Variants in DGKB observed in about 807,000 individuals in gnomAD.
The protein encoded by DGKB is 90 kDa diacylglycerol kinase.
A neutral mutation model predicts 114.3 loss-of-function variants in DGKB; 67 were observed. The ratio of observed to expected loss-of-function variants is 0.59; its 90% CI spans 0.48 to 0.72. The LOEUF (loss-of-function observed/expected upper bound fraction) is 0.72. DGKB is among the 30% of genes least tolerant of loss of function. DGKB has a pLI of 0.00. For missense variants in DGKB, 907 were observed against 975.2 expected (o/e 0.93, Z 0.93); for synonymous variants, 398 against 323.1 (o/e 1.23, Z -2.49).
chr7:14,181,009 C>T (rs967519221), intron 23 of DGKB, among the ~76,000 whole-genome samples: 1 of 152,018 alleles, frequency 6.6e-6, no homozygotes, highest in Non-Finnish European at 1.5e-5. Context: ...GCCCCTAGCC[C>T]TTTTTGTATG....
intron 25 of DGKB, among the ~76,000 whole-genome samples, chr7:14,172,091 G>T (rs1230346135): frequency 6.6e-6 from 1 of 152,202 alleles, no homozygotes; most frequent in African/African-American, 2.4e-5. Context: ...AGGAGGGACA[G>T]CAAGGAATGA....
chr7:14,702,021 C>G (rs1261179443), intron 6 of DGKB, among the ~76,000 whole-genome samples: 1 of 152,028 alleles, frequency 6.6e-6, no homozygotes, highest in Non-Finnish European at 1.5e-5. Context: ...AATGTCAACT[C>G]AAAACTAAAA....
intron 2 of DGKB, among the ~76,000 whole-genome samples, chr7:14,780,166 C>T (rs1838850937): frequency 6.6e-6 from 1 of 152,132 alleles, no homozygotes; most frequent in Non-Finnish European, 1.5e-5. Context: ...TGAGCGGGAC[C>T]TAGACCCAGC....
chr7:14,672,872 G>A (rs935715071), intron 13 of DGKB, 57 bp downstream of exon 13: 44 of 1,028,930 alleles, frequency 4.3e-5, no homozygotes, highest in African/African-American at 4.2e-4. Flanking sequence ...AATGGTATAC[G>A]ATACTGATAA....
intron 21 of DGKB, among the ~76,000 whole-genome samples, chr7:14,398,999 A>G (rs1822679245): frequency 6.6e-6 from 1 of 151,948 alleles, no homozygotes; most frequent in Non-Finnish European, 1.5e-5. Context: ...CAACCCGCAG[A>G]CGTGAAGAGA....
chr7:14,931,242 T>G (rs1227945462), intron 1 of DGKB, among the ~76,000 whole-genome samples: 3 of 151,712 alleles, frequency 2.0e-5, no homozygotes, highest in African/African-American at 7.3e-5. Flanking sequence ...CTCCTGAGTA[T>G]CTGGGATTAC....
intron 18 of DGKB, among the ~76,000 whole-genome samples, chr7:14,581,265 GAT>G (rs1799894563): frequency 6.6e-6 from 1 of 152,094 alleles, no homozygotes; most frequent in African/African-American, 2.4e-5. Context: ...AATCCTCAGG[GAT>G]ATTATTATAT....
intron 17 of DGKB, among the ~76,000 whole-genome samples, chr7:14,588,484 T>C (rs1801144702): frequency 6.6e-6 from 1 of 152,114 alleles, no homozygotes; most frequent in African/African-American, 2.4e-5. Flanking sequence ...ACTTTTGACA[T>C]AGAAATTCTT....
intron 23 of DGKB, among the ~76,000 whole-genome samples, chr7:14,318,601 C>G (rs1018541755): frequency 1.4e-4 from 21 of 152,074 alleles, no homozygotes; most frequent in African/African-American, 5.1e-4. Flanking sequence ...CATCTCACAC[C>G]AGTTAGAATG....
chr7:14,254,865 T>C (rs953102658), intron 23 of DGKB, among the ~76,000 whole-genome samples: 3 of 152,192 alleles, frequency 2.0e-5, no homozygotes, highest in Non-Finnish European at 4.4e-5. Context: ...CCATAATACC[T>C]TGTAAGGAAT....
At chr7:14,457,422 T>A (rs137967356) in intron 21 of DGKB, among the ~76,000 whole-genome samples, 1 of 152,272 alleles carries the variant, frequency 6.6e-6, no homozygotes, top group East Asian at 1.9e-4. Flanking sequence ...TTAAAGTAAA[T>A]ATAGTATTGC....
At chr7:14,227,971 T>A (rs1791087973) in intron 23 of DGKB, among the ~76,000 whole-genome samples, 1 of 152,028 alleles carries the variant, frequency 6.6e-6, no homozygotes, top group Non-Finnish European at 1.5e-5. Context: ...GACAAGAATA[T>A]CAATTAAGAT....
intron 25 of DGKB, among the ~76,000 whole-genome samples, chr7:14,149,626 T>C (rs538211405): frequency 6.6e-6 from 1 of 152,242 alleles, no homozygotes; most frequent in African/African-American, 2.4e-5. Flanking sequence ...CCATTATAGT[T>C]TCCAGAGTCC....
intron 1 of DGKB, among the ~76,000 whole-genome samples, chr7:14,922,636 A>T (rs962083865): frequency 1.3e-5 from 2 of 152,084 alleles, no homozygotes; most frequent in Non-Finnish European, 2.9e-5. Flanking sequence ...GTAGCCAAGA[A>T]CATCCTAAGT....
At chr7:14,784,666 C>T (rs1052482466) in intron 2 of DGKB, among the ~76,000 whole-genome samples, 2 of 152,110 alleles carry the variant, frequency 1.3e-5, no homozygotes, top group African/African-American at 2.4e-5. Context: ...TGTGAGCTGC[C>T]GCACCCAGTT....
At chr7:14,580,511 T>C (rs1330369305) in intron 19 of DGKB, among the ~76,000 whole-genome samples, 1 of 152,198 alleles carries the variant, frequency 6.6e-6, no homozygotes, top group Non-Finnish European at 1.5e-5. Flanking sequence ...TTTGTGATTT[T>C]ACCTCCCAAC....
intron 2 of DGKB, among the ~76,000 whole-genome samples, chr7:14,780,937 A>G (rs539065285): frequency 1.3e-5 from 2 of 152,108 alleles, no homozygotes; most frequent in South Asian, 2.1e-4. Flanking sequence ...CTGCTTCCCA[A>G]TGGTTTCTTT....
chr7:14,852,486 T>TCAAAAAAAAAAAAAAAAAAA (rs948693044), intron 1 of DGKB, among the ~76,000 whole-genome samples: 246 of 7,736 alleles, frequency 0.032, 7 homozygotes, highest in African/African-American at 0.076. Flanking sequence ...ATAGTGAAAG[T>TCAAAAAAAAAAAAAAAAAAA]CAAAAAAAAA....
At chr7:14,474,339 T>C (rs1037839369) in intron 21 of DGKB, among the ~76,000 whole-genome samples, 5 of 152,194 alleles carry the variant, frequency 3.3e-5, no homozygotes, top group Non-Finnish European at 7.3e-5. Context: ...CCTCCTTGCC[T>C]TCTGCCATGA....
Sources: gnomAD v4.1 joint callset for allele counts (sites outside exome capture counted in the v4.1 genomes callset) on GRCh38, gnomAD v4.1.1 for gene constraint, MANE v1.5 for transcripts, NCBI Gene and HGNC (gene_info 2026-07-23, HGNC 2026-07-21) for gene names.